Variants in LIPA observed in about 807,000 individuals in gnomAD.
The protein encoded by LIPA is lysosomal acid lipase/cholesteryl ester hydrolase.
In LIPA, 26 loss-of-function variants were observed where a neutral mutation model predicts 40.6. The observed-to-expected ratio is 0.64, with a 90% CI of 0.47 to 0.89. The LOEUF is 0.89. Among genes scored for constraint, LIPA ranks in the 40% least tolerant of loss-of-function variants. The probability of loss-of-function intolerance (pLI) is 0.00; values close to 1 mark genes in which losing one functional copy is unlikely to be tolerated. For synonymous variants in LIPA, 188 were observed against 168.4 expected (o/e 1.12, Z -0.90); for missense variants, 455 against 479.6 (o/e 0.95, Z 0.48).
chr10:89,260,057 G>A (rs1053935709), intron 1 of LIPA, among the ~76,000 whole-genome samples: 1 of 152,060 alleles, frequency 6.6e-6, no homozygotes, highest in African/African-American at 2.4e-5. Flanking sequence ...GTCATACTTC[G>A]ATAAGCCTAT....
chr10:89,393,071 G>C (rs1371871989), intron 2 of LIPA: 2 of 1,147,248 alleles, frequency 1.7e-6, no homozygotes, highest in African/African-American at 1.6e-5. Flanking sequence ...GGAAGGAATG[G>C]ACAGCTTGTC....
chr10:89,247,483 A>G, intron 2 of LIPA, 55 bp downstream of exon 2: 1 of 1,035,732 alleles, frequency 9.7e-7, no homozygotes. Flanking sequence ...TAGCTCACAT[A>G]ACTGGATCGG....
chr10:89,240,950 T>C (rs1822920913), intron 3 of LIPA, among the ~76,000 whole-genome samples: 1 of 151,936 alleles, frequency 6.6e-6, no homozygotes, highest in Non-Finnish European at 1.5e-5. Context: ...CCCCGCAGAG[T>C]CTGGTGGGGA....
At chr10:89,338,936 T>G in intron 1 of LIPA, 1 of 1,614,162 alleles carries the variant, frequency 6.2e-7, no homozygotes, top group African/African-American at 1.3e-5. Flanking sequence ...ATCAGAAGTC[T>G]AGTCACTTGG....
At chr10:89,368,466 A>T (rs1164269046) in intron 2 of LIPA, among the ~76,000 whole-genome samples, 3 of 152,208 alleles carry the variant, frequency 2.0e-5, no homozygotes, top group African/African-American at 7.2e-5. Context: ...TGCTCAGCAG[A>T]TATTCATCAC....
intron 1 of LIPA, among the ~76,000 whole-genome samples, chr10:89,341,823 T>C (rs1843873343): frequency 6.6e-6 from 1 of 152,170 alleles, no homozygotes; most frequent in African/African-American, 2.4e-5. Context: ...GATCCAGACC[T>C]GCTAGGGATT....
At chr10:89,318,876 G>C (rs1244215518) in intron 1 of LIPA, among the ~76,000 whole-genome samples, 4 of 152,190 alleles carry the variant, frequency 2.6e-5, no homozygotes, top group African/African-American at 9.6e-5. Flanking sequence ...TCAGACCACA[G>C]TGCAATCAAA....
intron 2 of LIPA, among the ~76,000 whole-genome samples, chr10:89,366,515 G>GA (rs140054360): frequency 6.6e-6 from 1 of 151,874 alleles, no homozygotes; most frequent in African/African-American, 2.4e-5. Flanking sequence ...AAATTTACAA[G>GA]AAAAAAACAG....
At chr10:89,330,399 C>A (rs573236238) in intron 1 of LIPA, among the ~76,000 whole-genome samples, 1 of 152,236 alleles carries the variant, frequency 6.6e-6, no homozygotes, top group Admixed American at 6.5e-5. Flanking sequence ...TCATCTGACT[C>A]TATGCCCAAT....
At position 89,228,237 on chromosome 10, in the gene LIPA, T is replaced by A; in HGVS notation, c.391A>T (p.Thr131Ser). The A allele has an allele frequency of 6.2e-7, 1 of 1,614,166 alleles. No individual in the cohort carries two copies. The highest frequency in any genetic ancestry group is 8.5e-7 in the Non-Finnish European group (1 of 1,180,008). Residue 131 changes from threonine (T) to serine (S), a missense_variant, in exon 4 of 10, where the codon ACA (threonine) becomes TCA (serine). Transcript: ENST00000336233. ...AATTCATCCTGAGAAACTGAGAGTG[T>A]CTTATGTTTCCGAGACCAGGTATTT... Reference protein sequence around the residue: ...RGNTWSRKHKTLSVSQDEFWA... With the variant: ...RGNTWSRKHKSLSVSQDEFWA...
chr10:89,215,818 T>C, intron 9 of LIPA, 120 bp downstream of exon 9: 3 of 784,676 alleles, frequency 3.8e-6, no homozygotes, highest in Non-Finnish European at 4.7e-6. Context: ...AAACAAACAC[T>C]AGTCAACTCC....
intron 2 of LIPA, chr10:89,384,220 A>G: frequency 6.2e-7 from 1 of 1,614,186 alleles, no homozygotes; most frequent in Non-Finnish European, 8.5e-7. Context: ...GATCCAAATC[A>G]AGGAAGCTAC....
upstream of LIPA, chr10:89,342,721 CCTCA>C (rs2133580293): frequency 6.6e-6 from 1 of 152,234 alleles, no homozygotes; most frequent in African/African-American, 2.4e-5. Flanking sequence ...CAAAATGGCC[CCTCA>C]CTCACATTCA....
rs375165068 is a variant in LIPA, at chr10:89,265,406, C to T, written c.-1-17757G>A. Among the ~76,000 whole-genome samples, 47 of 152,274 alleles carry T rather than the reference C, an allele frequency of 3.1e-4. 1 individual carries two copies. Among genetic ancestry groups the T allele is most frequent in the Admixed American group, 2.3e-3 (35 of 15,304 alleles). On this transcript the variant is annotated intron_variant, in intron 1 of 5. Transcript: ENST00000282673. ...GTCACACCTCCCCTGGTGCAGCTGG[C>T]GTCTTCGCAGAGGCCACTCCAGATG...
intron 7 of LIPA, among the ~76,000 whole-genome samples, chr10:89,223,195 G>A (rs535637944): frequency 3.3e-5 from 5 of 152,084 alleles, no homozygotes; most frequent in Non-Finnish European, 5.9e-5. Context: ...GATTCGGGGG[G>A]TCCATGTGCA....
rs368703823 is a variant in LIPA, at chr10:89,412,587, C to T, written c.61+204G>A. 8.8e-5 allele frequency: 15 copies of T among 170,780 alleles called. No homozygotes were observed. In the East Asian group the frequency reaches 9.3e-4, roughly 11 times the overall value. The allele number at this position is 170,780 out of a possible 1,614,324, so 10.6% of individuals were successfully genotyped here. On this transcript the variant is annotated intron_variant, in intron 2 of 8. Coordinates refer to the LIPA transcript ENST00000371837. ...CTTTCGCTCTTCGCAACGAATCTTGCTGCTGCTCACTCTTTGGGTCCACAC... is the reference window on the plus strand; with the variant it reads ...CTTTCGCTCTTCGCAACGAATCTTGTTGCTGCTCACTCTTTGGGTCCACAC...
chr10:89,316,530 C>A (rs908014304), intron 1 of LIPA, among the ~76,000 whole-genome samples: 2 of 152,208 alleles, frequency 1.3e-5, no homozygotes, highest in Non-Finnish European at 2.9e-5. Flanking sequence ...GGGGCGCCCA[C>A]CATTGCTGAG....
chr10:89,331,562 T>C (rs1417445880), intron 1 of LIPA, among the ~76,000 whole-genome samples: 1 of 152,166 alleles, frequency 6.6e-6, no homozygotes, highest in Non-Finnish European at 1.5e-5. Flanking sequence ...AATATTCTTT[T>C]GTAAAGAGGT....
intron 1 of LIPA, among the ~76,000 whole-genome samples, chr10:89,318,482 G>A (rs1403887890): frequency 2.6e-5 from 4 of 152,206 alleles, no homozygotes; most frequent in Non-Finnish European, 4.4e-5. Flanking sequence ...TTACATAATG[G>A]TAAAGGGATC....
Sources: gnomAD v4.1 joint callset for allele counts (sites outside exome capture counted in the v4.1 genomes callset) on GRCh38, gnomAD v4.1.1 for gene constraint, MANE v1.5 for transcripts, NCBI Gene and HGNC (gene_info 2026-07-23, HGNC 2026-07-21) for gene names.